Variants in DCAF6 observed in about 807,000 individuals in gnomAD.
The protein encoded by DCAF6 is DDB1- and CUL4-associated factor 6.
In DCAF6, 54 loss-of-function variants were observed where a neutral mutation model predicts 125.1. The ratio of observed to expected loss-of-function variants is 0.43; its 90% confidence interval spans 0.35 to 0.54. DCAF6 has a LOEUF of 0.54. Ranked by LOEUF, DCAF6 falls within the 20% of genes least tolerant of loss-of-function variation. The pLI, the probability that DCAF6 is intolerant of heterozygous loss-of-function variation, is 0.01. For synonymous variants in DCAF6, 371 were observed against 390.4 expected, an observed-to-expected ratio of 0.95 and a Z score of 0.58; for missense variants, 934 against 1,161.7, an observed-to-expected ratio of 0.80 and a Z score of 2.85.
At chr1:167,940,213 A>T (rs1338830746) in intron 1 of DCAF6, among the ~76,000 whole-genome samples, 1 of 152,230 alleles carries the variant, frequency 6.6e-6, no homozygotes, top group Non-Finnish European at 1.5e-5. Context: ...CCCAGATGTT[A>T]TTTATGATTA....
intron 2 of DCAF6, among the ~76,000 whole-genome samples, chr1:167,955,092 T>C (rs1674575845): frequency 6.6e-6 from 1 of 152,236 alleles, no homozygotes; most frequent in Admixed American, 6.5e-5. Context: ...ATTCATGTTG[T>C]TGAGTGTATC....
chr1:167,938,466 T>A (rs1053717358), intron 1 of DCAF6, among the ~76,000 whole-genome samples: 2 of 152,218 alleles, frequency 1.3e-5, no homozygotes, highest in African/African-American at 4.8e-5. Context: ...ACGTTCGCCC[T>A]TACAGCATTT....
intron 4 of DCAF6, among the ~76,000 whole-genome samples, chr1:167,977,850 G>A (rs1475652161): frequency 6.6e-6 from 1 of 152,168 alleles, no homozygotes; most frequent in Non-Finnish European, 1.5e-5. Context: ...TTATCACAAA[G>A]CAAATCTATT....
At chr1:167,889,026 A>C in the DCAF6 span, among the ~76,000 whole-genome samples, 2 of 152,178 alleles carry the variant, frequency 1.3e-5, no homozygotes, top group Non-Finnish European at 2.9e-5. Context: ...GATCATCTGA[A>C]AACAAGGATA....
At chr1:168,041,597 T>C (rs1688536949) in intron 13 of DCAF6, among the ~76,000 whole-genome samples, 1 of 152,040 alleles carries the variant, frequency 6.6e-6, no homozygotes, top group South Asian at 2.1e-4. Context: ...ATGGCTGTTT[T>C]CTTGTCTCAT....
At chr1:167,900,635 C>A in the DCAF6 span, among the ~76,000 whole-genome samples, 4 of 152,006 alleles carry the variant, frequency 2.6e-5, no homozygotes, top group Non-Finnish European at 5.9e-5. Flanking sequence ...TGGGTTCAAG[C>A]AATTCTCCTG....
At chr1:167,876,342 C>T in the DCAF6 span, among the ~76,000 whole-genome samples, 12 of 152,018 alleles carry the variant, frequency 7.9e-5, no homozygotes, top group Admixed American at 5.2e-4. Context: ...TGCCCAAGAC[C>T]CCATAGCAGG....
At chr1:167,952,493 G>A (rs1674118481) in intron 2 of DCAF6, among the ~76,000 whole-genome samples, 1 of 152,154 alleles carries the variant, frequency 6.6e-6, no homozygotes, top group African/African-American at 2.4e-5. Flanking sequence ...TGGGATTACA[G>A]GTGTGAGCCA....
At chr1:167,897,301 C>A in the DCAF6 span, among the ~76,000 whole-genome samples, 1 of 140,178 alleles carries the variant, frequency 7.1e-6, no homozygotes, top group Non-Finnish European at 1.5e-5. Flanking sequence ...GCCTGGGTAA[C>A]AATGGTGAAA....
intron 12 of DCAF6, among the ~76,000 whole-genome samples, chr1:168,025,723 T>C (rs1026817913): frequency 6.6e-6 from 1 of 152,170 alleles, no homozygotes; most frequent in African/African-American, 2.4e-5. Context: ...TTTACTAGTC[T>C]TCTCACATCC....
the DCAF6 span, chr1:167,879,993 ACT>A: frequency 3.7e-6 from 3 of 815,266 alleles, no homozygotes; most frequent in Non-Finnish European, 6.3e-6. Flanking sequence ...CATCTGGAAG[ACT>A]CTAAAGTTTC....
At chr1:168,042,876 A>G (rs990275537) in intron 13 of DCAF6, 149 bp from the exon 14 acceptor site, 2 of 552,250 alleles carry the variant, frequency 3.6e-6, no homozygotes, top group Non-Finnish European at 6.5e-6. Context: ...TTTGTTTGAA[A>G]TGATGTTTAC....
upstream of DCAF6, among the ~76,000 whole-genome samples, chr1:167,932,996 T>C (rs114445667): frequency 0.022 from 3,311 of 151,996 alleles, 116 homozygotes; most frequent in African/African-American, 0.075. Flanking sequence ...GTTGAGGAAC[T>C]TGACCAGGAC....
chr1:167,936,942 T>C lies in DCAF6; in HGVS notation c.31T>C (p.Leu11=), dbSNP rs143132333. Residue 11 remains leucine, a synonymous_variant, in exon 1 of 22, where the codon TTG becomes CTG. Coordinates refer to ENST00000367840, the MANE Select transcript of DCAF6 (RefSeq NM_001198956.2). ...TCGGGGTGGCTCCTACCCACACCTGTTGTGGGACGTGAGGAAAAGGTCCCT... is the reference window on the plus strand; with the variant it reads ...TCGGGGTGGCTCCTACCCACACCTGCTGTGGGACGTGAGGAAAAGGTCCCT... MSRGGSYPHL[L]WDVRKRSLGL... 9.3e-5 allele frequency: 150 copies of C among 1,609,310 alleles called. 1 individual carries two copies. The African/African-American group carries it at 1.6e-3, about 18-fold the overall frequency.
chr1:167,872,636 C>T, the DCAF6 span, among the ~76,000 whole-genome samples: 6 of 151,324 alleles, frequency 4.0e-5, no homozygotes, highest in African/African-American at 1.5e-4. Context: ...TTATAGCAGC[C>T]CTTGTAAAAG....
the DCAF6 span, among the ~76,000 whole-genome samples, chr1:167,907,720 A>G: frequency 6.6e-6 from 1 of 152,256 alleles, no homozygotes; most frequent in Non-Finnish European, 1.5e-5. Context: ...GCAAGCCAAC[A>G]TTATTTCCTA....
At chr1:167,864,456 C>T in the DCAF6 span, among the ~76,000 whole-genome samples, 4 of 152,110 alleles carry the variant, frequency 2.6e-5, no homozygotes, top group African/African-American at 9.7e-5. Flanking sequence ...CACAAGGTAA[C>T]CTGTAAGCCA....
chr1:167,890,683 C>T, the DCAF6 span, among the ~76,000 whole-genome samples: 1,769 of 152,278 alleles, frequency 0.012, 13 homozygotes, highest in African/African-American at 0.017. Flanking sequence ...TCCACAGATG[C>T]CATCTGGGAG....
At chr1:167,998,828 C>T (rs1362662211) in intron 7 of DCAF6, 2 of 152,858 alleles carry the variant, frequency 1.3e-5, no homozygotes, top group Non-Finnish European at 2.9e-5. Context: ...ACCTCATCTG[C>T]AGTGACTTCC....
Sources: gnomAD v4.1 joint callset for allele counts (sites outside exome capture counted in the v4.1 genomes callset) on GRCh38, gnomAD v4.1.1 for gene constraint, MANE v1.5 for transcripts, NCBI Gene and HGNC (gene_info 2026-07-23, HGNC 2026-07-21) for gene names.